TFAP2D: variants seen among roughly 807,000 people sequenced by gnomAD.
TFAP2D encodes the protein transcription factor AP-2 delta, also known as transcription factor AP-2-delta.
In TFAP2D, 9 loss-of-function variants were observed where a neutral mutation model predicts 43.6. The observed-to-expected ratio is 0.21, with a 90% confidence interval of 0.12 to 0.36. The LOEUF (loss-of-function observed/expected upper bound fraction) is 0.36. Among genes scored for constraint, TFAP2D ranks in the 10% least tolerant of loss-of-function variants. TFAP2D has a pLI of 1.00. For missense variants in TFAP2D, 513 were observed against 561.4 expected, an observed-to-expected ratio of 0.91 and a Z score of 0.87; for synonymous variants, 256 against 224.9, an observed-to-expected ratio of 1.14 and a Z score of -1.24.
intron 3 of TFAP2D, among the ~76,000 whole-genome samples, chr6:50,720,395 G>T (rs1425769277): frequency 6.6e-6 from 1 of 151,718 alleles, no homozygotes; most frequent in Non-Finnish European, 1.5e-5. Context: ...TTTCCTTTTG[G>T]AACTTGGTTA....
rs374518626 is a variant in TFAP2D at position 50,749,556 on chromosome 6, T to G, written c.1026-1655T>G. 1.2e-4 allele frequency among the ~76,000 whole-genome samples: 18 copies of G among 152,010 alleles called. 1 individual carries two copies. In the South Asian group the frequency reaches 2.5e-3, roughly 21 times the overall value. On this transcript the variant is annotated intron_variant, in intron 6 of 7. Transcript: ENST00000008391. ...TGGAAATGATAGCATGAGGCTAAAT[T>G]TAAAATTTTAGTTAGAAATTTCCAT...
At chr6:50,760,858 G>A (rs982375902) in intron 7 of TFAP2D, among the ~76,000 whole-genome samples, 26 of 151,370 alleles carry the variant, frequency 1.7e-4, no homozygotes, top group Non-Finnish European at 3.5e-4. Flanking sequence ...AAGGTTGGGC[G>A]GAGAAGACCT....
At chr6:50,745,704 C>T (rs1383198611) in intron 6 of TFAP2D, among the ~76,000 whole-genome samples, 1 of 151,868 alleles carries the variant, frequency 6.6e-6, no homozygotes, top group Non-Finnish European at 1.5e-5. Context: ...CCTCTGGGAC[C>T]AAGGATCACC....
chr6:50,765,897 T>G (rs1180784033), intron 7 of TFAP2D, among the ~76,000 whole-genome samples: 2 of 152,216 alleles, frequency 1.3e-5, no homozygotes, highest in Non-Finnish European at 2.9e-5. Flanking sequence ...ATTTTTGGTT[T>G]TGTTGCCTGT....
chr6:50,728,947 C>T lies in TFAP2D; in HGVS notation c.690C>T (p.Thr230=). ...GTTCTACTTCCAAATACAAGGTGAC[C>T]ATTGCTGAGGTAAAGAGGCGCCTCT... is the stretch of plus-strand genomic sequence containing the variant. ...LLSSTSKYKV[T]IAEVKRRLSP... Residue 230 remains threonine, a synonymous_variant, in exon 4 of 8, where the codon ACC becomes ACT. Coordinates refer to ENST00000008391, the MANE Select transcript of TFAP2D (RefSeq NM_172238.4). The T allele has an allele frequency of 6.2e-7, 1 of 1,613,998 alleles. No homozygotes were observed. Among genetic ancestry groups the T allele is most frequent in the Non-Finnish European group, 8.5e-7 (1 of 1,179,942 alleles).
chr6:50,719,608 G>A (rs1399288895), intron 3 of TFAP2D, among the ~76,000 whole-genome samples: 1 of 152,244 alleles, frequency 6.6e-6, no homozygotes, highest in African/African-American at 2.4e-5. Context: ...TGTTTGAGAT[G>A]ATGGTGTTAG....
At chr6:50,744,098 G>A (rs1769091701) in intron 5 of TFAP2D, among the ~76,000 whole-genome samples, 1 of 152,062 alleles carries the variant, frequency 6.6e-6, no homozygotes, top group Admixed American at 6.6e-5. Flanking sequence ...TTTTAATATA[G>A]GTAAACTGTG....
chr6:50,742,437 A>G (rs1561936774), intron 5 of TFAP2D, among the ~76,000 whole-genome samples: 1 of 152,112 alleles, frequency 6.6e-6, no homozygotes, highest in Non-Finnish European at 1.5e-5. Flanking sequence ...ATCAGGTTTT[A>G]GCACAAAATT....
chr6:50,740,678 C>T (rs116197843), intron 5 of TFAP2D, among the ~76,000 whole-genome samples: 2,031 of 152,200 alleles, frequency 0.013, 49 homozygotes, highest in African/African-American at 0.046. Flanking sequence ...ACCTCGTGAT[C>T]CACTGGGCTT....
At position 50,715,745 on chromosome 6, in the gene TFAP2D, TCTCTCA is replaced by T. The variant is rs1231868044; in HGVS notation, c.537+134_537+139del. 3.4e-3 allele frequency: 2,019 copies of T among 597,972 alleles called. 27 individuals carry two copies. The African/African-American group carries it at 0.042, about 13-fold the overall frequency. 37.0% of individuals were successfully genotyped at this position (597,972 alleles called of 1,614,324 possible). A position where few individuals can be genotyped will look rare whatever the true frequency, so the allele number is the denominator to read the frequency against. ...TCCTCTCTCTCTCTCTCTCTCTCTC[TCTCTCA>T]CACACACACACACACACACACACAC... On this transcript the variant is annotated intron_variant, in intron 2 of 7. Coordinates refer to ENST00000008391, the MANE Select transcript of TFAP2D (RefSeq NM_172238.4).
At chr6:50,751,518 C>G (rs969031274) in intron 7 of TFAP2D, among the ~76,000 whole-genome samples, 194 bp downstream of exon 7, 2 of 151,848 alleles carry the variant, frequency 1.3e-5, no homozygotes, top group African/African-American at 4.8e-5. Flanking sequence ...AGTTTGGAGG[C>G]CTGGGAAGTC....
At chr6:50,723,174 A>T (rs1302494596) in intron 3 of TFAP2D, among the ~76,000 whole-genome samples, 2 of 152,226 alleles carry the variant, frequency 1.3e-5, no homozygotes, top group Non-Finnish European at 2.9e-5. Flanking sequence ...GTCAGATCTG[A>T]TTTAATTTCT....
intron 7 of TFAP2D, among the ~76,000 whole-genome samples, chr6:50,770,496 A>G (rs772503076): frequency 4.6e-5 from 7 of 152,112 alleles, no homozygotes; most frequent in Non-Finnish European, 1.0e-4. Flanking sequence ...ATAATGAGGG[A>G]CATGCAGAAA....
intron 7 of TFAP2D, among the ~76,000 whole-genome samples, chr6:50,754,033 T>C (rs1435684435): frequency 1.3e-5 from 2 of 151,954 alleles, no homozygotes; most frequent in Non-Finnish European, 2.9e-5. Flanking sequence ...TAATCAATTC[T>C]GTAGTGTCAA....
intron 2 of TFAP2D, among the ~76,000 whole-genome samples, chr6:50,717,886 T>G (rs1768653471): frequency 6.6e-6 from 1 of 152,224 alleles, no homozygotes; most frequent in South Asian, 2.1e-4. Flanking sequence ...TTTTAAAACA[T>G]TCATCAGCAT....
At chr6:50,772,166 C>G (rs1769537683) in intron 7 of TFAP2D, among the ~76,000 whole-genome samples, 1 of 152,014 alleles carries the variant, frequency 6.6e-6, no homozygotes, top group African/African-American at 2.4e-5. Context: ...ACTGCATGTT[C>G]TCACTCATAG....
chr6:50,761,910 A>T (rs1769368717), intron 7 of TFAP2D, among the ~76,000 whole-genome samples: 1 of 152,086 alleles, frequency 6.6e-6, no homozygotes, highest in Non-Finnish European at 1.5e-5. Flanking sequence ...TAAGGCCTTG[A>T]CCATGAGCAA....
chr6:50,766,522 T>C (rs1769443886), intron 7 of TFAP2D, among the ~76,000 whole-genome samples: 1 of 152,030 alleles, frequency 6.6e-6, no homozygotes, highest in Non-Finnish European at 1.5e-5. Flanking sequence ...ATTCGTGCCT[T>C]CTTTAATTTC....
At chr6:50,753,266 A>G (rs545121743) in intron 7 of TFAP2D, among the ~76,000 whole-genome samples, 6 of 151,950 alleles carry the variant, frequency 3.9e-5, no homozygotes, top group Non-Finnish European at 7.4e-5. Flanking sequence ...ATTATTTCCA[A>G]TTACAGATGC....
Sources: allele counts gnomAD v4.1 joint callset (sites outside exome capture counted in the v4.1 genomes callset), GRCh38; gene constraint gnomAD v4.1.1; transcripts MANE v1.5; gene names NCBI Gene and HGNC (gene_info 2026-07-23, HGNC 2026-07-21).